Variants in NKAIN3 observed in about 807,000 individuals in gnomAD.
The protein encoded by NKAIN3 is sodium/potassium transporting ATPase interacting 3.
Under a neutral mutation model 30.2 loss-of-function variants are expected in NKAIN3, and 25 were observed. That is an observed-to-expected ratio of 0.83 (90% confidence interval 0.60 to 1.16). NKAIN3 has a LOEUF of 1.16. Ranked by LOEUF, NKAIN3 falls within the 50% of genes most tolerant of loss-of-function variation. The pLI is 0.00. For missense variants in NKAIN3, 225 were observed against 254.1 expected (o/e 0.89, Z 0.78); for synonymous variants, 91 against 89.6 (o/e 1.02, Z -0.09).
intron 1 of NKAIN3, among the ~76,000 whole-genome samples, chr8:62,369,790 T>C (rs930126708): frequency 6.6e-6 from 1 of 151,922 alleles, no homozygotes. Flanking sequence ...ATTGTAACTA[T>C]ACAGTTAACA....
At chr8:62,290,707 TTG>T (rs1813580041) in intron 1 of NKAIN3, among the ~76,000 whole-genome samples, 1 of 152,172 alleles carries the variant, frequency 6.6e-6, no homozygotes, top group African/African-American at 2.4e-5. Flanking sequence ...TTCTCTTTTT[TTG>T]TGTGTCTCTG....
chr8:62,658,099 T>A, intron 3 of NKAIN3, among the ~76,000 whole-genome samples: 1 of 152,234 alleles, frequency 6.6e-6, no homozygotes, highest in Non-Finnish European at 1.5e-5. Context: ...CAAGTACTTA[T>A]GTTTGGCTTT....
chr8:62,338,418 T>C (rs1815635701), intron 1 of NKAIN3, among the ~76,000 whole-genome samples: 1 of 152,036 alleles, frequency 6.6e-6, no homozygotes, highest in African/African-American at 2.4e-5. Flanking sequence ...TCTTCCATTA[T>C]GGAACTTATG....
At chr8:62,738,290 T>C (rs1815742477) in intron 3 of NKAIN3, among the ~76,000 whole-genome samples, 1 of 152,102 alleles carries the variant, frequency 6.6e-6, no homozygotes, top group African/African-American at 2.4e-5. Flanking sequence ...TTTCCATGTG[T>C]TTTTTGGCCA....
At chr8:62,254,667 T>G (rs1002273992) in intron 1 of NKAIN3, among the ~76,000 whole-genome samples, 49 of 152,302 alleles carry the variant, frequency 3.2e-4, no homozygotes, top group African/African-American at 1.1e-3. Context: ...ACTATCATTT[T>G]AATAAAAATA....
At chr8:62,803,222 AAG>A (rs1818136892) in intron 4 of NKAIN3, among the ~76,000 whole-genome samples, 1 of 152,136 alleles carries the variant, frequency 6.6e-6, no homozygotes, top group South Asian at 2.1e-4. Context: ...GAAAGTTAGC[AAG>A]GATACCCAGG....
rs552890097 is a variant in NKAIN3 at position 62,856,772 on chromosome 8, C to T, written c.472-61681C>T. 9.7e-5 allele frequency: 64 copies of T among 658,846 alleles called. No individual in the cohort carries two copies. The African/African-American group carries it at 1.1e-3, about 11-fold the overall frequency. The allele number at this position is 658,846 out of a possible 1,614,324, so 40.8% of individuals were successfully genotyped here. On this transcript the variant is annotated intron_variant, in intron 4 of 6. Transcript: ENST00000623646. ...TTTATTTTGCACCTGGCTTATCCAA[C>T]TCCTGTAAGATGTAAATATTTCACT...
At chr8:62,951,539 G>T (rs1379135194) in intron 5 of NKAIN3, among the ~76,000 whole-genome samples, 1 of 151,420 alleles carries the variant, frequency 6.6e-6, no homozygotes, top group Admixed American at 6.6e-5. Flanking sequence ...TGCAACCTCT[G>T]CCTCTGCCCT....
chr8:62,275,766 T>G (rs1812931705), intron 1 of NKAIN3, among the ~76,000 whole-genome samples: 1 of 152,220 alleles, frequency 6.6e-6, no homozygotes, highest in Non-Finnish European at 1.5e-5. Flanking sequence ...TATTTGCATA[T>G]TACCATAATG....
At chr8:62,803,263 C>A (rs1818138573) in intron 4 of NKAIN3, among the ~76,000 whole-genome samples, 2 of 152,118 alleles carry the variant, frequency 1.3e-5, no homozygotes, top group Admixed American at 1.3e-4. Context: ...ACCAAGGGGA[C>A]CTAATAGACA....
At chr8:62,405,030 A>C (rs1190722596) in intron 1 of NKAIN3, among the ~76,000 whole-genome samples, 1 of 151,996 alleles carries the variant, frequency 6.6e-6, no homozygotes, top group Non-Finnish European at 1.5e-5. Flanking sequence ...CTCCCACCCT[A>C]GTGTATGTTT....
intron 1 of NKAIN3, among the ~76,000 whole-genome samples, chr8:62,348,185 T>C (rs555259204): frequency 7.6e-4 from 116 of 152,250 alleles, no homozygotes; most frequent in Non-Finnish European, 1.4e-3. Context: ...AAAGGACTAA[T>C]AAATAGAGGA....
At chr8:62,312,996 A>G (rs1393480763) in intron 1 of NKAIN3, among the ~76,000 whole-genome samples, 1 of 152,100 alleles carries the variant, frequency 6.6e-6, no homozygotes, top group Non-Finnish European at 1.5e-5. Context: ...TCAGGAGAGA[A>G]TAGTTGACAG....
chr8:62,855,037 C>T (rs1820018428), intron 4 of NKAIN3: 1 of 152,984 alleles, frequency 6.5e-6, no homozygotes, highest in Admixed American at 6.5e-5. Flanking sequence ...AAATTCTTTT[C>T]TTTTTTTTAT....
chr8:62,855,546 C>T, intron 4 of NKAIN3: 2 of 1,522,716 alleles, frequency 1.3e-6, no homozygotes. Flanking sequence ...TTAAACTCAA[C>T]CACCAGGGAG....
intron 4 of NKAIN3, among the ~76,000 whole-genome samples, chr8:62,807,952 TA>T (rs1011934003): frequency 2.0e-5 from 3 of 151,950 alleles, no homozygotes; most frequent in Middle Eastern, 6.8e-3. Flanking sequence ...TAGTTATTAA[TA>T]AAAAAAGAAA....
At chr8:62,760,506 C>T (rs1044667917) in intron 4 of NKAIN3, among the ~76,000 whole-genome samples, 112 of 152,080 alleles carry the variant, frequency 7.4e-4, no homozygotes, top group African/African-American at 2.7e-3. Flanking sequence ...AACCATCATT[C>T]TCAGCAAACT....
intron 1 of NKAIN3, among the ~76,000 whole-genome samples, chr8:62,571,517 C>T (rs1021214102): frequency 4.6e-5 from 7 of 152,008 alleles, no homozygotes; most frequent in Non-Finnish European, 1.0e-4. Flanking sequence ...GGATGGTGAC[C>T]CTCTTCTCAC....
At chr8:62,349,437 C>G (rs1816114199) in intron 1 of NKAIN3, among the ~76,000 whole-genome samples, 1 of 152,082 alleles carries the variant, frequency 6.6e-6, no homozygotes, top group Non-Finnish European at 1.5e-5. Flanking sequence ...TTAGAGATGA[C>G]AGATTGTGAT....
Sources: allele counts gnomAD v4.1 joint callset (sites outside exome capture counted in the v4.1 genomes callset), GRCh38; gene constraint gnomAD v4.1.1; transcripts MANE v1.5; gene names NCBI Gene and HGNC (gene_info 2026-07-23, HGNC 2026-07-21).